Variants in SDK1 observed in about 807,000 individuals in gnomAD.
SDK1 encodes the protein sidekick cell adhesion molecule 1.
Under a neutral mutation model 245.5 loss-of-function variants are expected in SDK1, and 157 were observed. The observed-to-expected ratio is 0.64, with a 90% confidence interval of 0.56 to 0.73. The LOEUF is 0.73. Among genes scored for constraint, SDK1 ranks in the 30% least tolerant of loss-of-function variants. The pLI, the probability that SDK1 is intolerant of heterozygous loss-of-function variation, is 0.00. For missense variants in SDK1, 3,583 were observed against 3,002.3 expected (o/e 1.19, Z -4.52); for synonymous variants, 1,647 against 1,278.5 (o/e 1.29, Z -6.15).
chr7:4,036,694 G>A (rs935156786), intron 17 of SDK1, among the ~76,000 whole-genome samples: 1 of 152,122 alleles, frequency 6.6e-6, no homozygotes, highest in South Asian at 2.1e-4. Flanking sequence ...GGCTGGTTGG[G>A]ATTAGCACCC....
At chr7:3,684,295 T>C (rs1784206649) in intron 4 of SDK1, among the ~76,000 whole-genome samples, 1 of 152,224 alleles carries the variant, frequency 6.6e-6, no homozygotes. Flanking sequence ...AGGGAGGAAC[T>C]GACCTTCAGT....
intron 19 of SDK1, among the ~76,000 whole-genome samples, chr7:4,057,879 C>T (rs1454073448): frequency 6.6e-6 from 1 of 152,202 alleles, no homozygotes; most frequent in Non-Finnish European, 1.5e-5. Flanking sequence ...ATCCAATCAA[C>T]ACCATAGATA....
chr7:3,947,431 T>C (rs1780623684), intron 5 of SDK1, among the ~76,000 whole-genome samples: 1 of 152,196 alleles, frequency 6.6e-6, no homozygotes, highest in Non-Finnish European at 1.5e-5. Flanking sequence ...GATTATCTAC[T>C]GCACAGCTAG....
At position 3,991,756 on chromosome 7, in the gene SDK1, G is replaced by A. The variant is rs565072567; in HGVS notation, c.2131+4434G>A. Among the ~76,000 whole-genome samples, 4 of 152,306 alleles carry A rather than the reference G, an allele frequency of 2.6e-5. No homozygotes were observed. In the South Asian group the frequency reaches 8.3e-4, roughly 32 times the overall value. ...CCTCCTGCCTGTTCTGATTTCCACT[G>A]TGTGAAGGAAGCCCGTGACCTTGGC... On this transcript the variant is annotated intron_variant, in intron 14 of 44. Transcript: ENST00000404826.
rs918583374 is a variant in SDK1, at chr7:4,203,607, C to T, written c.5099-2272C>T. On this transcript the variant is annotated intron_variant, in intron 35 of 44. Coordinates refer to ENST00000404826, the MANE Select transcript of SDK1 (RefSeq NM_152744.4). ...AATGCTAAGGTGGGAAAACAAAAAA[C>T]GAACGACAATCAGATGCTCCGTGTC... is the stretch of plus-strand genomic sequence containing the variant. Among the ~76,000 whole-genome samples, 5 of 151,778 alleles carry T rather than the reference C, an allele frequency of 3.3e-5. No homozygotes were observed. The South Asian group carries it at 8.3e-4, about 25-fold the overall frequency.
At chr7:3,666,929 T>G (rs1462629383) in intron 4 of SDK1, among the ~76,000 whole-genome samples, 2 of 152,164 alleles carry the variant, frequency 1.3e-5, no homozygotes, top group Non-Finnish European at 2.9e-5. Flanking sequence ...CACATCACAC[T>G]TTTCTAAACT....
rs17133564 is a variant in SDK1 at position 3,568,573 on chromosome 7, T to C, written c.299-50507T>C. Among the ~76,000 whole-genome samples the C allele has an allele frequency of 8.1e-3, 1,236 of 152,324 alleles. 35 individuals carry two copies. Among genetic ancestry groups the C allele is most frequent in the East Asian group, 0.075 (390 of 5,180 alleles). On this transcript the variant is annotated intron_variant, in intron 1 of 44. Transcript: ENST00000404826. The stretch of plus-strand genomic sequence containing the variant: ...CATTTGTGCTCTCTTCTGGGAAATA[T>C]TTAAAATGTCTCCAAGGTTATTGAT...
At chr7:3,983,560 T>C (rs1783584262) in intron 13 of SDK1, among the ~76,000 whole-genome samples, 1 of 152,230 alleles carries the variant, frequency 6.6e-6, no homozygotes. Flanking sequence ...CAGTAGAGTA[T>C]AAACAGAACT....
At chr7:3,821,237 TCAGACACTGGGGCTG>T (rs67807489) in intron 4 of SDK1, among the ~76,000 whole-genome samples, 198 bp from the exon 5 acceptor site, 20,048 of 152,112 alleles carry the variant, frequency 0.13, 2,430 homozygotes, top group African/African-American at 0.32. Context: ...CCCGGTAGGC[TCAGACACTGGGGCTG>T]CAGTGTGCCA....
intron 1 of SDK1, among the ~76,000 whole-genome samples, chr7:3,521,967 A>T (rs1373564736): frequency 6.6e-6 from 1 of 151,840 alleles, no homozygotes; most frequent in Non-Finnish European, 1.5e-5. Context: ...GAAGGTGGAG[A>T]AGATGGAGTT....
At chr7:3,920,534 A>C (rs1002475046) in intron 5 of SDK1, among the ~76,000 whole-genome samples, 1 of 152,146 alleles carries the variant, frequency 6.6e-6, no homozygotes, top group Non-Finnish European at 1.5e-5. Flanking sequence ...GCTCAGGAGT[A>C]TGTAAGGAAC....
chr7:4,150,351 C>A (rs908433703), intron 30 of SDK1, among the ~76,000 whole-genome samples: 6 of 152,142 alleles, frequency 3.9e-5, no homozygotes, highest in African/African-American at 1.4e-4. Flanking sequence ...TGGAGTGAGT[C>A]CCTCCATGTC....
intron 43 of SDK1, among the ~76,000 whole-genome samples, chr7:4,243,635 T>C (rs940626357): frequency 1.3e-5 from 2 of 152,012 alleles, no homozygotes; most frequent in Non-Finnish European, 2.9e-5. Context: ...GTGAGACTTA[T>C]TCACTCTCAC....
chr7:3,690,933 A>C (rs939468340), intron 4 of SDK1, among the ~76,000 whole-genome samples: 4 of 152,214 alleles, frequency 2.6e-5, no homozygotes, highest in African/African-American at 9.6e-5. Flanking sequence ...ATAGGCATTC[A>C]CTGGGCTAAT....
At chr7:3,449,167 A>G (rs1014867417) in intron 1 of SDK1, among the ~76,000 whole-genome samples, 10 of 152,288 alleles carry the variant, frequency 6.6e-5, no homozygotes, top group African/African-American at 1.9e-4. Flanking sequence ...TGGTTCTCCA[A>G]GTAAAGCTGT....
intron 4 of SDK1, among the ~76,000 whole-genome samples, chr7:3,685,991 C>G (rs189983387): frequency 5.9e-5 from 9 of 152,256 alleles, no homozygotes; most frequent in Non-Finnish European, 1.2e-4. Flanking sequence ...TAATAATATA[C>G]TGTCTACAAG....
At chr7:3,394,428 A>G (rs1781840881) in intron 1 of SDK1, among the ~76,000 whole-genome samples, 1 of 152,100 alleles carries the variant, frequency 6.6e-6, no homozygotes, top group African/African-American at 2.4e-5. Flanking sequence ...TGCTTTGATC[A>G]CTGTACCTTT....
At chr7:4,214,841 C>A (rs1189633997) in intron 38 of SDK1, among the ~76,000 whole-genome samples, 1 of 152,224 alleles carries the variant, frequency 6.6e-6, no homozygotes, top group African/African-American at 2.4e-5. Flanking sequence ...GGGGCCCCCG[C>A]CGGGGTCTTT....
chr7:4,022,698 G>C (rs79586180), intron 17 of SDK1, among the ~76,000 whole-genome samples: 28 of 152,070 alleles, frequency 1.8e-4, no homozygotes, highest in Non-Finnish European at 3.8e-4. Context: ...AAGATCAGCA[G>C]TATGTAGTGA....
Sources: allele counts gnomAD v4.1 joint callset (sites outside exome capture counted in the v4.1 genomes callset), GRCh38; gene constraint gnomAD v4.1.1; transcripts MANE v1.5; gene names NCBI Gene and HGNC (gene_info 2026-07-23, HGNC 2026-07-21).